SPTBN1: variants seen among roughly 807,000 people sequenced by gnomAD.
SPTBN1 encodes the protein spectrin beta chain, non-erythrocytic 1.
A neutral mutation model predicts 266.4 loss-of-function variants in SPTBN1; 32 were observed. The observed-to-expected ratio is 0.12, with a 90% confidence interval of 0.09 to 0.16. The LOEUF is 0.16. Ranked by LOEUF, SPTBN1 falls within the 10% of genes least tolerant of loss-of-function variation. The pLI, the probability that SPTBN1 is intolerant of heterozygous loss-of-function variation, is 1.00. For synonymous variants in SPTBN1, 1,336 were observed against 1,162.2 expected (o/e 1.15, Z -3.04); for missense variants, 2,296 against 3,067.1 (o/e 0.75, Z 5.94).
At chr2:54,621,234 C>A (rs746679699) in intron 7 of SPTBN1, among the ~76,000 whole-genome samples, 166 bp from the exon 8 acceptor site, 71 of 152,288 alleles carry the variant, frequency 4.7e-4, no homozygotes, top group Non-Finnish European at 9.3e-4. Context: ...GATGGTTTAA[C>A]CCTCATTATC....
chr2:54,644,731 CA>C, intron 20 of SPTBN1, 145 bp downstream of exon 20: 1 of 1,045,732 alleles, frequency 9.6e-7, no homozygotes, highest in Non-Finnish European at 1.4e-6. Context: ...GCTCTAACAG[CA>C]TCGTAGAACA....
chr2:54,505,230 T>C (rs1669491208), intron 1 of SPTBN1, among the ~76,000 whole-genome samples: 1 of 152,206 alleles, frequency 6.6e-6, no homozygotes, highest in South Asian at 2.1e-4. Context: ...TTAAACAAAT[T>C]ATTGATGCTT....
chr2:54,568,494 A>G (rs1201426608), intron 2 of SPTBN1, among the ~76,000 whole-genome samples: 1 of 152,184 alleles, frequency 6.6e-6, no homozygotes, highest in East Asian at 1.9e-4. Context: ...GATTATTTTA[A>G]CTAAATATAA....
At chr2:54,462,707 C>T (rs751726883) in intron 1 of SPTBN1, among the ~76,000 whole-genome samples, 18 of 152,292 alleles carry the variant, frequency 1.2e-4, no homozygotes, top group Admixed American at 2.0e-4. Context: ...GGTAAAATAC[C>T]TTTAACAGGC....
intron 34 of SPTBN1, 22 bp downstream of exon 34, chr2:54,666,110 G>T: frequency 6.3e-7 from 1 of 1,594,608 alleles, no homozygotes; most frequent in Non-Finnish European, 8.5e-7. Context: ...CGTGCTTCAT[G>T]GCTGCCAGAG....
Position 54,668,664 on chromosome 2 carries a change from T to G in SPTBN1, c.*95T>G. On this transcript the variant is annotated 3_prime_UTR_variant, in exon 36 of 36. Coordinates refer to ENST00000356805, the MANE Select transcript of SPTBN1 (RefSeq NM_003128.3). ...AACACATTACTCTCTGTGCCTAATG[T>G]TCCTCAATGTGGTTGATTTTTTTTT... The G allele has an allele frequency of 8.8e-7, 1 of 1,136,590 alleles. No homozygotes were observed. Among genetic ancestry groups the G allele is most frequent in the Non-Finnish European group, 1.2e-6 (1 of 828,756 alleles). 70.4% of individuals were successfully genotyped at this position (1,136,590 alleles called of 1,614,324 possible).
intron 1 of SPTBN1, among the ~76,000 whole-genome samples, chr2:54,463,089 C>T (rs746564250): frequency 5.2e-4 from 77 of 146,926 alleles, no homozygotes; most frequent in Non-Finnish European, 1.2e-4. Flanking sequence ...AGAGAGGTGA[C>T]TGGGGGTCCA....
intron 1 of SPTBN1, among the ~76,000 whole-genome samples, chr2:54,504,824 C>G (rs1250733756): frequency 6.6e-6 from 1 of 151,808 alleles, no homozygotes; most frequent in Admixed American, 6.6e-5. Flanking sequence ...CGTAAAATTC[C>G]CAAATAAAGT....
rs888070180 is a variant in SPTBN1 at position 54,621,407 on chromosome 2, C to T, written c.771C>T (p.Ser257=). Residue 257 remains serine (S), a synonymous_variant, in exon 8 of 36, where the codon AGC becomes AGT. Transcript: ENST00000356805. ...GTCTTCTCTGGGTTACAGACATCAGCGTGGACCATCCTGATGAGAAGTCCA... is the reference window on the plus strand; with the variant it reads ...GTCTTCTCTGGGTTACAGACATCAGTGTGGACCATCCTGATGAGAAGTCCA... ...LTKLLDPEDI[S]VDHPDEKSII... is the part of the protein sequence containing the mutation. 6.2e-7 allele frequency: 1 copy of T among 1,612,710 alleles called. No homozygotes were observed. The highest frequency in any genetic ancestry group is 8.5e-7 in the Non-Finnish European group (1 of 1,178,732).
chr2:54,578,656 G>C (rs1674657230), intron 2 of SPTBN1, among the ~76,000 whole-genome samples: 2 of 151,930 alleles, frequency 1.3e-5, no homozygotes, highest in Admixed American at 1.3e-4. Flanking sequence ...TCTATATTTG[G>C]CATCAGTGAG....
Position 54,651,417 on chromosome 2 carries a change from A to G in SPTBN1, c.5577+1428A>G, listed in dbSNP as rs529292686. On this transcript the variant is annotated intron_variant, in intron 26 of 35. Coordinates refer to ENST00000356805, the MANE Select transcript of SPTBN1 (RefSeq NM_003128.3). ...AAAGGATGTGTGTCCTACTGCAGGT[A>G]TTGACCTGATCTGGGTTTCTTTTCA... 1.4e-4 allele frequency among the ~76,000 whole-genome samples: 22 copies of G among 152,336 alleles called. No individual in the cohort carries two copies. In the South Asian group the frequency reaches 4.3e-3, roughly 30 times the overall value.
At chr2:54,588,036 G>A (rs886233421) in intron 2 of SPTBN1, among the ~76,000 whole-genome samples, 3 of 152,158 alleles carry the variant, frequency 2.0e-5, no homozygotes, top group African/African-American at 7.2e-5. Context: ...AATTTGAAGT[G>A]GAGTCTAACA....
chr2:54,649,286 G>A lies in SPTBN1; in HGVS notation c.5202+96G>A. On this transcript the variant is annotated intron_variant, in intron 25 of 35. Transcript: ENST00000356805. The surrounding 1 kb of genome is among the most constrained non-coding windows in gnomAD (Gnocchi z 6.7). ...TGTCTGTGAGCAGATAAAATGCCCTGGACTCCAATCAGAGGTCTTGGGGTT... is the reference window on the plus strand; with the variant it reads ...TGTCTGTGAGCAGATAAAATGCCCTAGACTCCAATCAGAGGTCTTGGGGTT... 2 of 1,331,450 alleles carry A rather than the reference G, an allele frequency of 1.5e-6. No homozygotes were observed. The highest frequency in any genetic ancestry group is 1.5e-5 in the African/African-American group (1 of 68,390). 82.5% of individuals were successfully genotyped at this position (1,331,450 alleles called of 1,614,324 possible).
At chr2:54,499,340 C>T (rs1000020342) in intron 1 of SPTBN1, among the ~76,000 whole-genome samples, 2 of 152,066 alleles carry the variant, frequency 1.3e-5, no homozygotes, top group Admixed American at 1.3e-4. Context: ...TGTGCTTAGA[C>T]CATACCACCC....
At chr2:54,660,901 C>A (rs1410053904) in intron 32 of SPTBN1, 26 of 985,352 alleles carry the variant, frequency 2.6e-5, no homozygotes, top group Non-Finnish European at 3.1e-5. Context: ...GCTTGCCTCA[C>A]AGACTTCCAT....
rs748579751 is a variant in SPTBN1 at position 54,653,710 on chromosome 2, G to T, written c.5679G>T (p.Trp1893Cys). 6.8e-6 allele frequency: 11 copies of T among 1,614,094 alleles called. No homozygotes were observed. Among genetic ancestry groups the T allele is most frequent in the Non-Finnish European group, 9.3e-6 (11 of 1,180,024 alleles). Reference sequence around the variant, plus strand: ...GCGAGAACGAGGTCCTGGAAGCCTGGAAGTCCCTCCTGGACGCCTGTGAGA... The same window carrying T: ...GCGAGAACGAGGTCCTGGAAGCCTGTAAGTCCCTCCTGGACGCCTGTGAGA... ...QKRENEVLEA[W>C]KSLLDACESR... The change falls in exon 27 of 36, where the codon TGG becomes TGT. Residue 1893 changes from tryptophan (W) to cysteine (C), a missense_variant. Trp to Cys is a radical substitution (Grantham distance 215). Coordinates refer to ENST00000356805, the MANE Select transcript of SPTBN1 (RefSeq NM_003128.3). This position sits in a 1 kb window ranked among gnomAD's most constrained non-coding sequence, Gnocchi z 5.1.
intron 2 of SPTBN1, among the ~76,000 whole-genome samples, chr2:54,594,833 CTTTTTTTT>C (rs71408777): frequency 9.6e-6 from 1 of 104,676 alleles, no homozygotes; most frequent in Admixed American, 1.0e-4. Flanking sequence ...TGGTAAGTTT[CTTTTTTTT>C]TTTTTTTTTT....
Position 54,620,175 on chromosome 2 carries a change from G to A in SPTBN1, c.764-1225G>A, listed in dbSNP as rs1294680211. On this transcript the variant is annotated intron_variant, in intron 7 of 35. Transcript: ENST00000356805. ...ATGTGGTAGGTGGAGTGGCATAGGGGCTTGCCCGGACAGGCTTCTGCCCTT... is the reference window on the plus strand; with the variant it reads ...ATGTGGTAGGTGGAGTGGCATAGGGACTTGCCCGGACAGGCTTCTGCCCTT... 2.0e-5 allele frequency among the ~76,000 whole-genome samples: 3 copies of A among 152,238 alleles called. No individual in the cohort carries two copies. In the East Asian group the frequency reaches 5.8e-4, roughly 29 times the overall value.
intron 1 of SPTBN1, among the ~76,000 whole-genome samples, chr2:54,467,443 G>A (rs1195880207): frequency 6.6e-6 from 1 of 152,206 alleles, no homozygotes; most frequent in Non-Finnish European, 1.5e-5. Context: ...CCCCCAGGCT[G>A]GAGTGCGATG....
Sources: allele counts gnomAD v4.1 joint callset (sites outside exome capture counted in the v4.1 genomes callset), GRCh38; gene constraint gnomAD v4.1.1; non-coding constraint Gnocchi (gnomAD v3.1); transcripts MANE v1.5; gene names NCBI Gene and HGNC (gene_info 2026-07-23, HGNC 2026-07-21).